RAPGEF5: variants seen among roughly 807,000 people sequenced by gnomAD.
RAPGEF5 encodes the protein M-Ras-regulated GEF.
A neutral mutation model predicts 125.2 loss-of-function variants in RAPGEF5; 65 were observed. The ratio of observed to expected loss-of-function variants is 0.52; its 90% CI spans 0.43 to 0.64. The LOEUF (loss-of-function observed/expected upper bound fraction) is 0.64, where lower values mean the gene tolerates loss of function less well. Among genes scored for constraint, RAPGEF5 ranks in the 30% least tolerant of loss-of-function variants. The probability of loss-of-function intolerance (pLI) is 0.00; values close to 1 mark genes in which losing one functional copy is unlikely to be tolerated. For synonymous variants in RAPGEF5, 391 were observed against 385.9 expected, an observed-to-expected ratio of 1.01 and a Z score of -0.16; for missense variants, 958 against 1,048.1, an observed-to-expected ratio of 0.91 and a Z score of 1.19.
At chr7:22,251,899 A>G (rs1334065610) in intron 7 of RAPGEF5, among the ~76,000 whole-genome samples, 4 of 152,126 alleles carry the variant, frequency 2.6e-5, no homozygotes, top group Non-Finnish European at 5.9e-5. Context: ...AGGAAATAAA[A>G]TGTGGGTTTC....
intron 3 of RAPGEF5, among the ~76,000 whole-genome samples, chr7:22,312,037 G>A (rs1251897894): frequency 6.6e-6 from 1 of 152,186 alleles, no homozygotes; most frequent in Non-Finnish European, 1.5e-5. Flanking sequence ...AAACTAAACT[G>A]TCAAACTGCA....
chr7:22,147,669 G>T (rs1783487748), intron 18 of RAPGEF5, among the ~76,000 whole-genome samples: 1 of 152,080 alleles, frequency 6.6e-6, no homozygotes, highest in Non-Finnish European at 1.5e-5. Context: ...TTAAGATATG[G>T]CATAAAAGTA....
In RAPGEF5 at chr7:22,176,564, G is replaced by A. The variant is rs1489061674; in HGVS notation, c.1205-9416C>T. Among the ~76,000 whole-genome samples, 3 of 152,226 alleles carry A rather than the reference G, an allele frequency of 2.0e-5. 1 individual carries two copies. Among genetic ancestry groups the A allele is most frequent in the African/African-American group, 4.8e-5 (2 of 41,552 alleles). On this transcript the variant is annotated intron_variant, in intron 11 of 25. Coordinates refer to ENST00000665637, the MANE Select transcript of RAPGEF5 (RefSeq NM_012294.5). Reference sequence around the variant, plus strand: ...TTTTGAGATAGAGTCTTGCTCTGTCGCCCAGGCTGGATGGAGTGCAGTGGT... The same window carrying A: ...TTTTGAGATAGAGTCTTGCTCTGTCACCCAGGCTGGATGGAGTGCAGTGGT...
intron 5 of RAPGEF5, among the ~76,000 whole-genome samples, chr7:22,292,848 G>A (rs1782965033): frequency 6.6e-6 from 1 of 152,188 alleles, no homozygotes; most frequent in Non-Finnish European, 1.5e-5. Flanking sequence ...CGAGCATGAG[G>A]TATTTTGCAC....
chr7:22,350,991 C>G (rs1045812694), intron 1 of RAPGEF5, among the ~76,000 whole-genome samples: 1 of 152,196 alleles, frequency 6.6e-6, no homozygotes, highest in Non-Finnish European at 1.5e-5. Flanking sequence ...ATGCATGCCT[C>G]TCTTAATGGC....
chr7:22,230,907 T>A lies in RAPGEF5; in HGVS notation c.809A>T (p.Asp270Val), dbSNP rs1297716604. 8 of 1,560,472 alleles carry A rather than the reference T, an allele frequency of 5.1e-6. No homozygotes were observed. Among genetic ancestry groups the A allele is most frequent in the Non-Finnish European group, 7.0e-6 (8 of 1,150,516 alleles). Residue 270 changes from aspartate (D) to valine (V), a missense_variant, in exon 8 of 26, where the codon GAT (aspartate) becomes GTT (valine). Coordinates refer to ENST00000665637, the MANE Select transcript of RAPGEF5 (RefSeq NM_012294.5). ...LKARKSAIEQ[D>V]EENNDKHVAV... ...TACATGTTTGTCGTTGTTTTCTTCA[T>A]CTTGTTCAATTGCTTAAAAAAAAGA...
intron 8 of RAPGEF5, among the ~76,000 whole-genome samples, chr7:22,220,393 A>T (rs1247620069): frequency 6.6e-5 from 10 of 152,216 alleles, no homozygotes; most frequent in East Asian, 1.9e-4. Flanking sequence ...ACTGATACAG[A>T]GCCCTAAAAA....
At chr7:22,348,234 C>T (rs1281313155) in intron 1 of RAPGEF5, among the ~76,000 whole-genome samples, 1 of 152,144 alleles carries the variant, frequency 6.6e-6, no homozygotes, top group African/African-American at 2.4e-5. Flanking sequence ...CCCCCACCCA[C>T]AACAAAAACA....
chr7:22,334,038 G>A (rs531166918), intron 1 of RAPGEF5, among the ~76,000 whole-genome samples: 2 of 145,470 alleles, frequency 1.4e-5, no homozygotes, highest in Non-Finnish European at 3.0e-5. Flanking sequence ...AGTGTTAAGA[G>A]AGCTGCTAAT....
intron 6 of RAPGEF5, among the ~76,000 whole-genome samples, chr7:22,284,505 CT>C (rs1398648432): frequency 5.3e-5 from 8 of 152,226 alleles, no homozygotes; most frequent in Admixed American, 4.6e-4. Context: ...TCACTTGACA[CT>C]TTCCCTCAAA....
At chr7:22,223,344 C>CA (rs1214031262) in intron 8 of RAPGEF5, among the ~76,000 whole-genome samples, 2 of 152,062 alleles carry the variant, frequency 1.3e-5, no homozygotes, top group Non-Finnish European at 2.9e-5. Flanking sequence ...CTGAATTTGA[C>CA]AAAAGTAATT....
chr7:22,128,052 C>T (rs891928646), intron 24 of RAPGEF5, among the ~76,000 whole-genome samples: 5 of 152,044 alleles, frequency 3.3e-5, no homozygotes, highest in Admixed American at 6.6e-5. Context: ...TAAGCTCTGG[C>T]GTCACATTGA....
chr7:22,267,031 G>A lies in RAPGEF5; in HGVS notation c.748-19C>T. On this transcript the variant is annotated intron_variant, in intron 6 of 25. Transcript: ENST00000665637. ...TCTGCACCTAATAAAATATTAGGGGGGAAAATCAAATTAGAAGAAGAAAAA... is the reference window on the plus strand; with the variant it reads ...TCTGCACCTAATAAAATATTAGGGGAGAAAATCAAATTAGAAGAAGAAAAA... 3 of 1,592,130 alleles carry A rather than the reference G, an allele frequency of 1.9e-6. No individual in the cohort carries two copies. Among genetic ancestry groups the A allele is most frequent in the Non-Finnish European group, 2.6e-6 (3 of 1,163,994 alleles).
chr7:22,306,201 C>T (rs187199859), intron 5 of RAPGEF5, among the ~76,000 whole-genome samples: 2 of 152,266 alleles, frequency 1.3e-5, no homozygotes, highest in East Asian at 1.9e-4. Flanking sequence ...CTGCATCCTC[C>T]TCAGCATTTG....
chr7:22,276,423 A>T (rs910343004), intron 6 of RAPGEF5, among the ~76,000 whole-genome samples: 1 of 152,198 alleles, frequency 6.6e-6, no homozygotes, highest in Non-Finnish European at 1.5e-5. Flanking sequence ...TTTGGAGGTA[A>T]GATTATAAAC....
chr7:22,354,382 T>C (rs1784383302), intron 1 of RAPGEF5, among the ~76,000 whole-genome samples: 1 of 152,158 alleles, frequency 6.6e-6, no homozygotes, highest in Admixed American at 6.5e-5. Flanking sequence ...GACACAAAGC[T>C]GAAGGTCTAC....
At chr7:22,342,837 G>A (rs560304399) in intron 1 of RAPGEF5, among the ~76,000 whole-genome samples, 3 of 152,228 alleles carry the variant, frequency 2.0e-5, no homozygotes, top group South Asian at 2.1e-4. Context: ...CAAGTATCTT[G>A]GGCAAAACCA....
At chr7:22,307,014 A>G (rs1238052263) in intron 5 of RAPGEF5, among the ~76,000 whole-genome samples, 1 of 152,210 alleles carries the variant, frequency 6.6e-6, no homozygotes, top group Non-Finnish European at 1.5e-5. Flanking sequence ...GTTTTTGCTT[A>G]GGGTAGCCTT....
chr7:22,125,556 A>G (rs1782712065), intron 25 of RAPGEF5, 48 bp downstream of exon 25: 1 of 1,534,196 alleles, frequency 6.5e-7, no homozygotes, highest in African/African-American at 1.4e-5. Flanking sequence ...CACAGTTGGT[A>G]CCAACGTAGA....
Sources: gnomAD v4.1 joint callset for allele counts (sites outside exome capture counted in the v4.1 genomes callset) on GRCh38, gnomAD v4.1.1 for gene constraint, MANE v1.5 for transcripts, NCBI Gene and HGNC (gene_info 2026-07-23, HGNC 2026-07-21) for gene names.